SYNRG: variants seen among roughly 807,000 people sequenced by gnomAD.
SYNRG encodes the protein AP1 gamma subunit binding protein 1.
In SYNRG, 37 loss-of-function variants were observed where a neutral mutation model predicts 130.9. The ratio of observed to expected loss-of-function variants is 0.28; its 90% confidence interval spans 0.22 to 0.37. SYNRG has a LOEUF of 0.37. Ranked by LOEUF, SYNRG falls within the 10% of genes least tolerant of loss-of-function variation. The probability of loss-of-function intolerance (pLI) is 1.00; values close to 1 mark genes in which losing one functional copy is unlikely to be tolerated. For missense variants in SYNRG, 1,338 were observed against 1,588.9 expected (o/e 0.84, Z 2.68); for synonymous variants, 539 against 568.1 (o/e 0.95, Z 0.73).
intron 19 of SYNRG, among the ~76,000 whole-genome samples, chr17:37,521,744 G>C (rs1853713910): frequency 6.6e-6 from 1 of 152,218 alleles, no homozygotes; most frequent in Non-Finnish European, 1.5e-5. Flanking sequence ...CAGAATGAAG[G>C]CAGCGGCGGT....
chr17:37,545,251 C>G (rs1367524409), intron 14 of SYNRG, among the ~76,000 whole-genome samples: 1 of 151,398 alleles, frequency 6.6e-6, no homozygotes, highest in Non-Finnish European at 1.5e-5. Context: ...TAATAATTAG[C>G]TGGGCGTGGT....
chr17:37,540,383 C>A lies in SYNRG; in HGVS notation c.3363G>T (p.Val1121=). Residue 1121 remains valine (V), a synonymous_variant, in exon 16 of 22, where the codon GTG becomes GTT. Coordinates refer to ENST00000612223, the MANE Select transcript of SYNRG (RefSeq NM_007247.6). ...TTGTAGAAAGCTCTCCTCTCACCTCCACCTCTCCCGTCAGGTCTTTGTACT... is the reference window on the plus strand; with the variant it reads ...TTGTAGAAAGCTCTCCTCTCACCTCAACCTCTCCCGTCAGGTCTTTGTACT... ...RDKYKDLTGE[V]EENERYAYEW... is the part of the protein sequence containing the mutation. 6.2e-7 allele frequency: 1 copy of A among 1,613,564 alleles called. No homozygotes were observed. The highest frequency in any genetic ancestry group is 8.5e-7 in the Non-Finnish European group (1 of 1,179,790).
At chr17:37,536,173 C>CA (rs2057174196) in intron 18 of SYNRG, 46 bp from the exon 19 acceptor site, 1 of 1,559,250 alleles carries the variant, frequency 6.4e-7, no homozygotes, top group African/African-American at 1.4e-5. Context: ...AGTGGAGACA[C>CA]AGAGGACCCA....
chr17:37,609,308 T>C lies in SYNRG; in HGVS notation c.48A>G (p.Gly16=). ...GAGSGGGGAA[G]AGAGSAGGGG... is the part of the protein sequence containing the mutation. The stretch of plus-strand genomic sequence containing the variant: ...CTCCCCCGGCGGACCCCGCGCCAGC[T>C]CCCGCGGCCCCGCCGCCACCAGAAC... Residue 16 remains glycine, a synonymous_variant, in exon 1 of 22, where the codon GGA becomes GGG. Transcript: ENST00000612223. 1 of 1,461,750 alleles carries C rather than the reference T, an allele frequency of 6.8e-7. No homozygotes were observed. The allele number at this position is 1,461,750 out of a possible 1,614,324, so 90.5% of individuals were successfully genotyped here. A position where few individuals can be genotyped will look rare whatever the true frequency, so the allele number is the denominator to read the frequency against.
At chr17:37,576,607 C>A in intron 7 of SYNRG, 189 bp from the exon 8 acceptor site, 1 of 486,300 alleles carries the variant, frequency 2.1e-6, no homozygotes, top group East Asian at 3.1e-5. Context: ...AACTCTTGTA[C>A]GTTAACTATG....
chr17:37,541,348 G>T, intron 15 of SYNRG: 1 of 696,672 alleles, frequency 1.4e-6, no homozygotes, highest in Non-Finnish European at 1.8e-6. Flanking sequence ...GGTCCGCTGA[G>T]ACAGGAAGCG....
At chr17:37,538,627 G>A (rs558128875) in intron 17 of SYNRG, among the ~76,000 whole-genome samples, 9 of 152,314 alleles carry the variant, frequency 5.9e-5, no homozygotes, top group South Asian at 4.1e-4. Context: ...ACGGAGTCTC[G>A]CTCTGTAGCA....
intron 6 of SYNRG, among the ~76,000 whole-genome samples, chr17:37,582,428 C>T (rs1016685507): frequency 6.6e-6 from 1 of 152,150 alleles, no homozygotes; most frequent in Non-Finnish European, 1.5e-5. Flanking sequence ...TTTAAATGGA[C>T]CCTATTTCCT....
At position 37,592,669 on chromosome 17, in the gene SYNRG, C is replaced by T. The variant is rs1212933681; in HGVS notation, c.240+3554G>A. Reference sequence around the variant, plus strand: ...TTATTCTAAGCGACAAACGCCAAACCCAAAAGGTTAATGATTCAATTTATA... The same window carrying T: ...TTATTCTAAGCGACAAACGCCAAACTCAAAAGGTTAATGATTCAATTTATA... On this transcript the variant is annotated intron_variant, in intron 3 of 21. Coordinates refer to ENST00000612223, the MANE Select transcript of SYNRG (RefSeq NM_007247.6). 3.9e-5 allele frequency among the ~76,000 whole-genome samples: 6 copies of T among 152,086 alleles called. No homozygotes were observed. The East Asian group carries it at 1.2e-3, about 29-fold the overall frequency.
rs1411863494 is a variant in SYNRG at position 37,561,696 on chromosome 17, C to T, written c.1482-107G>A. The stretch of plus-strand genomic sequence containing the variant: ...ACAGGTATTTCATTAAAACTCATGG[C>T]TCTCTGCTTTAAAAGTTAGAAAACT... On this transcript the variant is annotated intron_variant, in intron 11 of 21. Coordinates refer to ENST00000612223, the MANE Select transcript of SYNRG (RefSeq NM_007247.6). 19 of 736,964 alleles carry T rather than the reference C, an allele frequency of 2.6e-5. No homozygotes were observed. In the South Asian group the frequency reaches 3.1e-4, roughly 12 times the overall value. 45.7% of individuals were successfully genotyped at this position (736,964 alleles called of 1,614,324 possible). A position where few individuals can be genotyped will look rare whatever the true frequency, so the allele number is the denominator to read the frequency against.
intron 19 of SYNRG, chr17:37,529,872 G>A: frequency 6.4e-7 from 1 of 1,550,428 alleles, no homozygotes; most frequent in South Asian, 1.2e-5. Context: ...AGAGATGGGT[G>A]GCTGATTTGG....
chr17:37,572,258 C>A (rs1183536569), intron 8 of SYNRG, among the ~76,000 whole-genome samples: 2 of 152,002 alleles, frequency 1.3e-5, no homozygotes, highest in Non-Finnish European at 2.9e-5. Context: ...GAAACCCCAT[C>A]TCTACTAAAA....
chr17:37,574,932 T>G (rs192635852), intron 8 of SYNRG, among the ~76,000 whole-genome samples: 5 of 152,094 alleles, frequency 3.3e-5, no homozygotes, highest in Non-Finnish European at 5.9e-5. Flanking sequence ...ATAAAGAAAA[T>G]GTGGTACATA....
At position 37,539,174 on chromosome 17, in the gene SYNRG, C is replaced by T. The variant is rs377317815; in HGVS notation, c.3420+18G>A. 1.9e-4 allele frequency: 303 copies of T among 1,613,654 alleles called. No individual in the cohort carries two copies. Among genetic ancestry groups the T allele is most frequent in the Non-Finnish European group, 2.3e-4 (274 of 1,179,916 alleles). On this transcript the variant is annotated intron_variant, in intron 17 of 21. Coordinates refer to ENST00000612223, the MANE Select transcript of SYNRG (RefSeq NM_007247.6). ...AAGAGCACTCACATATGTGTGAACG[C>T]GTAAGTGACATACTCACATTCAGGG...
At chr17:37,558,301 C>A (rs2059267995) in intron 13 of SYNRG, among the ~76,000 whole-genome samples, 1 of 152,170 alleles carries the variant, frequency 6.6e-6, no homozygotes, top group Non-Finnish European at 1.5e-5. Flanking sequence ...TCCCCTACCC[C>A]TAGCAGAAGA....
At chr17:37,524,287 T>C (rs2055543914) in intron 19 of SYNRG, among the ~76,000 whole-genome samples, 1 of 152,198 alleles carries the variant, frequency 6.6e-6, no homozygotes, top group Admixed American at 6.5e-5. Context: ...CAAAATTATA[T>C]GATCTGTATT....
chr17:37,548,873 G>A (rs1598272185), intron 14 of SYNRG, among the ~76,000 whole-genome samples: 1 of 147,282 alleles, frequency 6.8e-6, no homozygotes, highest in South Asian at 2.2e-4. Flanking sequence ...GGTGGCTCAT[G>A]CCTGTAATCC....
chr17:37,573,756 AT>A (rs2060612735), intron 8 of SYNRG, among the ~76,000 whole-genome samples: 1 of 152,232 alleles, frequency 6.6e-6, no homozygotes, highest in African/African-American at 2.4e-5. Context: ...ACATAAAAAA[AT>A]AGAGAAATAT....
chr17:37,537,299 T>G (rs2057286839), intron 18 of SYNRG: 1 of 152,302 alleles, frequency 6.6e-6, no homozygotes, highest in Admixed American at 6.5e-5. Flanking sequence ...CTTGCCTTCT[T>G]GGAGGTTCAT....
Sources: allele counts gnomAD v4.1 joint callset (sites outside exome capture counted in the v4.1 genomes callset), GRCh38; gene constraint gnomAD v4.1.1; transcripts MANE v1.5; gene names NCBI Gene and HGNC (gene_info 2026-07-23, HGNC 2026-07-21).